Variants in TMEM259 observed in about 807,000 individuals in gnomAD.
TMEM259 encodes the protein transmembrane protein 259.
A neutral mutation model predicts 46.7 loss-of-function variants in TMEM259; 26 were observed. That is an observed-to-expected ratio of 0.56 (90% CI 0.41 to 0.77). The LOEUF is 0.77. TMEM259 is among the 30% of genes least tolerant of loss of function. The pLI, the probability that TMEM259 is intolerant of heterozygous loss-of-function variation, is 0.00. For synonymous variants in TMEM259, 494 were observed against 395.1 expected (o/e 1.25, Z -2.97); for missense variants, 930 against 900.5 (o/e 1.03, Z -0.42).
At chr19:1,019,087 C>G (rs923776444) in intron 1 of TMEM259, among the ~76,000 whole-genome samples, 1 of 152,172 alleles carries the variant, frequency 6.6e-6, no homozygotes, top group Non-Finnish European at 1.5e-5. Flanking sequence ...TCCCAAGAGT[C>G]TCCACCCTAC....
Position 1,020,812 on chromosome 19 carries a change from G to T in TMEM259, c.185C>A (p.Pro62His). 1 of 1,365,580 alleles carries T rather than the reference G, an allele frequency of 7.3e-7. No individual in the cohort carries two copies. Among genetic ancestry groups the T allele is most frequent in the South Asian group, 2.0e-5 (1 of 49,836 alleles). The allele number at this position is 1,365,580 out of a possible 1,614,324, so 84.6% of individuals were successfully genotyped here. The change falls in exon 1 of 11, where the codon CCC becomes CAC. Residue 62 changes from proline to histidine, a missense_variant. Pro to His is a moderately conservative substitution (Grantham distance 77). Coordinates refer to ENST00000356663, the MANE Select transcript of TMEM259 (RefSeq NM_001033026.2). This position sits in a 1 kb window ranked among gnomAD's most constrained non-coding sequence, Gnocchi z 4.0. ...GAACTCGAAGAGACGGCGGAAGGCGGGCGGGAAGAGCCGCGAATAGGTGAC... is the reference window on the plus strand; with the variant it reads ...GAACTCGAAGAGACGGCGGAAGGCGTGCGGGAAGAGCCGCGAATAGGTGAC... ...MAVTYSRLFP[P>H]AFRRLFEFFV... is the part of the protein sequence containing the mutation.
Position 1,020,759 on chromosome 19 carries a change from G to A in TMEM259, c.225+13C>T. ...CGCTGGGGTCAAGGGTCGGGGGTCGGGGCCGCGGTCACCTTGAGCAGCACG... is the reference window on the plus strand; with the variant it reads ...CGCTGGGGTCAAGGGTCGGGGGTCGAGGCCGCGGTCACCTTGAGCAGCACG... On this transcript the variant is annotated intron_variant, in intron 1 of 10. Coordinates refer to ENST00000356663, the MANE Select transcript of TMEM259 (RefSeq NM_001033026.2). The surrounding 1 kb of genome is among the most constrained non-coding windows in gnomAD (Gnocchi z 4.0). 2 of 1,314,968 alleles carry A rather than the reference G, an allele frequency of 1.5e-6. No individual in the cohort carries two copies. The highest frequency in any genetic ancestry group is 3.0e-5 in the East Asian group (1 of 32,992). The allele number at this position is 1,314,968 out of a possible 1,614,324, so 81.5% of individuals were successfully genotyped here. A position where few individuals can be genotyped will look rare whatever the true frequency, so the allele number is the denominator to read the frequency against.
Position 1,009,944 on chromosome 19 carries a change from CAGAGCCGGGCTGAGGCCGGCCGGCA to C in TMEM259, c.*381_*405del. On this transcript the variant is annotated 3_prime_UTR_variant, in exon 11 of 11. Transcript: ENST00000356663. The stretch of plus-strand genomic sequence containing the variant: ...AGAAGGCACTGCAGGGAGCACCAGG[CAGAGCCGGGCTGAGGCCGGCCGGCA>C]CTAGGGCGCGAGGCCCCACCCCAAG... 1 of 323,534 alleles carries C rather than the reference CAGAGCCGGGCTGAGGCCGGCCGGCA, an allele frequency of 3.1e-6. No individual in the cohort carries two copies. 20.0% of individuals were successfully genotyped at this position (323,534 alleles called of 1,614,324 possible). A position where few individuals can be genotyped will look rare whatever the true frequency, so the allele number is the denominator to read the frequency against.
rs202006160 is a variant in TMEM259 at position 1,010,837 on chromosome 19, C to T, written c.1376G>A (p.Arg459His). The T allele has an allele frequency of 1.0e-4, 163 of 1,583,364 alleles. No homozygotes were observed. Among genetic ancestry groups the T allele is most frequent in the Non-Finnish European group, 1.2e-4 (140 of 1,171,400 alleles). Residue 459 changes from arginine to histidine, a missense_variant, in exon 11 of 11, where the codon CGC becomes CAC. Physicochemically the swap from Arg to His is conservative, Grantham distance 29 (BLOSUM62 0). Transcript: ENST00000356663. ...CGCCTGAAGCAGCATCTCCTGGATGCGGACCTGCTGCAGGATGGCAGGCAG... is the reference window on the plus strand; with the variant it reads ...CGCCTGAAGCAGCATCTCCTGGATGTGGACCTGCTGCAGGATGGCAGGCAG... ...YELPAILQQV[R>H]IQEMLLQAPP...
At chr19:1,013,208 C>T (rs771818212) in intron 3 of TMEM259, 33 bp downstream of exon 3, 68 of 1,593,690 alleles carry the variant, frequency 4.3e-5, no homozygotes, top group Admixed American at 1.5e-4. Context: ...GAGGCAACCC[C>T]GTGAGGCAGT....
intron 3 of TMEM259, 25 bp from the exon 4 acceptor site, chr19:1,012,598 G>C: frequency 6.4e-7 from 1 of 1,554,348 alleles, no homozygotes. Context: ...CAGGGACCAG[G>C]TCAGCGCCCC....
chr19:1,015,461 G>C (rs2039077491), intron 1 of TMEM259, among the ~76,000 whole-genome samples: 1 of 152,166 alleles, frequency 6.6e-6, no homozygotes, highest in Non-Finnish European at 1.5e-5. Flanking sequence ...GGCCCCTCTA[G>C]GGGCAGTTCA....
At chr19:1,010,919 AG>A (rs1218628611) in intron 10 of TMEM259, 24 bp from the exon 11 acceptor site, 2 of 1,577,502 alleles carry the variant, frequency 1.3e-6, no homozygotes, top group African/African-American at 2.7e-5. Flanking sequence ...AGTGGGAGTC[AG>A]GACGGGCCCG....
In TMEM259 at chr19:1,011,731, G is replaced by C; in HGVS notation, c.1000+10C>G. 1 of 1,541,602 alleles carries C rather than the reference G, an allele frequency of 6.5e-7. No homozygotes were observed. The highest frequency in any genetic ancestry group is 8.8e-7 in the Non-Finnish European group (1 of 1,142,010). On this transcript the variant is annotated intron_variant, in intron 7 of 10. Transcript: ENST00000356663. Reference sequence around the variant, plus strand: ...ACGCCCGCCCCGCCCTGCGCCGGCGGGACACTCACCGATGAAGACGAAGAT... The same window carrying C: ...ACGCCCGCCCCGCCCTGCGCCGGCGCGACACTCACCGATGAAGACGAAGAT...
At chr19:1,014,553 ATGGGGCGCGC>A in intron 1 of TMEM259, 80 bp from the exon 2 acceptor site, 2 of 886,470 alleles carry the variant, frequency 2.3e-6, no homozygotes, top group South Asian at 2.1e-5. Flanking sequence ...ATGGGGCGTG[ATGGGGCGCGC>A]TGGGACGCCC....
intron 1 of TMEM259, among the ~76,000 whole-genome samples, chr19:1,019,510 A>G (rs1017898673): frequency 1.3e-5 from 2 of 152,074 alleles, no homozygotes; most frequent in African/African-American, 4.8e-5. Flanking sequence ...GCAGGGAGGA[A>G]GGTGGGAAGG....
At chr19:1,011,686 G>T (rs1375927950) in intron 7 of TMEM259, 23 bp from the exon 8 acceptor site, 51 of 1,535,912 alleles carry the variant, frequency 3.3e-5, no homozygotes, top group Non-Finnish European at 4.4e-5. Context: ...GGCGGCGGGC[G>T]CCCGGTGAGG....
intron 3 of TMEM259, among the ~76,000 whole-genome samples, 193 bp downstream of exon 3, chr19:1,013,048 T>TTA (rs2038990646): frequency 6.6e-6 from 1 of 152,150 alleles, no homozygotes; most frequent in South Asian, 2.1e-4. Context: ...GCTGAGCCAG[T>TTA]TACCCCAGGC....
rs1207898305 is a variant in TMEM259, at chr19:1,020,401, G to A, written c.225+371C>T. ...AAAGGGCGGGAGGTGCTACCTCGCAGGCCAGGACCGGACTCCAAGCCTGGG... is the reference window on the plus strand; with the variant it reads ...AAAGGGCGGGAGGTGCTACCTCGCAAGCCAGGACCGGACTCCAAGCCTGGG... On this transcript the variant is annotated intron_variant, in intron 1 of 10. Transcript: ENST00000356663. This position sits in a 1 kb window ranked among gnomAD's most constrained non-coding sequence, Gnocchi z 4.0. Among the ~76,000 whole-genome samples the A allele has an allele frequency of 6.6e-6, 1 of 152,154 alleles. No individual in the cohort carries two copies. Among genetic ancestry groups the A allele is most frequent in the Non-Finnish European group, 1.5e-5 (1 of 68,016 alleles).
intron 1 of TMEM259, among the ~76,000 whole-genome samples, chr19:1,018,318 A>G (rs939693874): frequency 6.6e-6 from 1 of 152,114 alleles, no homozygotes; most frequent in African/African-American, 2.4e-5. Context: ...CATTTCCTAA[A>G]GCCACCCAGG....
intron 1 of TMEM259, among the ~76,000 whole-genome samples, chr19:1,015,310 AT>A (rs2039072380): frequency 6.6e-6 from 1 of 152,152 alleles, no homozygotes; most frequent in Non-Finnish European, 1.5e-5. Flanking sequence ...GGTTGTCACA[AT>A]TGGGGGAGCT....
chr19:1,018,274 G>A (rs13343757), intron 1 of TMEM259, among the ~76,000 whole-genome samples: 17,421 of 152,262 alleles, frequency 0.11, 1,028 homozygotes, highest in South Asian at 0.14. Flanking sequence ...GGCCCCTGCC[G>A]CCTCCTCTCT....
chr19:1,012,495 C>A lies in TMEM259; in HGVS notation c.686G>T (p.Arg229Leu), dbSNP rs774112698. ...FLRLSQATRQ[R>L]LSIPVMVVTL... ...GACCACCATGACGGGGATGCTCAGG[C>A]GCTGGCGGGTGGCCTGCGACAGGCG... Residue 229 changes from arginine (R) to leucine (L), a missense_variant, in exon 4 of 11, where the codon CGC becomes CTC. Arg to Leu is a moderately radical substitution (Grantham distance 102, BLOSUM62 -2). Coordinates refer to ENST00000356663, the MANE Select transcript of TMEM259 (RefSeq NM_001033026.2). 3 of 1,604,098 alleles carry A rather than the reference C, an allele frequency of 1.9e-6. No individual in the cohort carries two copies. Among genetic ancestry groups the A allele is most frequent in the Non-Finnish European group, 2.5e-6 (3 of 1,176,998 alleles).
At chr19:1,013,997 C>T (rs764965326) in intron 2 of TMEM259, among the ~76,000 whole-genome samples, 195 bp downstream of exon 2, 17 of 152,198 alleles carry the variant, frequency 1.1e-4, no homozygotes, top group Non-Finnish European at 2.1e-4. Flanking sequence ...TCTAGCAGGG[C>T]GACAGGCCGA....
Sources: gnomAD v4.1 joint callset for allele counts (sites outside exome capture counted in the v4.1 genomes callset) on GRCh38, gnomAD v4.1.1 for gene constraint, Gnocchi (gnomAD v3.1) non-coding constraint, MANE v1.5 for transcripts, NCBI Gene and HGNC (gene_info 2026-07-23, HGNC 2026-07-21) for gene names.